Variants in CDH20 observed in about 807,000 individuals in gnomAD.
CDH20 encodes the protein cadherin-20.
In CDH20, 29 loss-of-function variants were observed where a neutral mutation model predicts 74.2. The observed-to-expected ratio is 0.39, with a 90% CI of 0.29 to 0.53. CDH20 has a LOEUF of 0.53. CDH20 is among the 20% of genes least tolerant of loss of function. CDH20 has a pLI of 0.69. For synonymous variants in CDH20, 469 were observed against 405.4 expected, an observed-to-expected ratio of 1.16 and a Z score of -1.88; for missense variants, 988 against 1,048.3, an observed-to-expected ratio of 0.94 and a Z score of 0.79.
intron 5 of CDH20, among the ~76,000 whole-genome samples, chr18:61,503,798 C>T (rs183183306): frequency 8.5e-5 from 13 of 152,326 alleles, no homozygotes; most frequent in African/African-American, 3.1e-4. Flanking sequence ...TTCACACAAA[C>T]TGAGATGAAT....
At chr18:61,527,928 C>A (rs922670958) in intron 6 of CDH20, 39 bp from the exon 7 acceptor site, 2 of 1,608,506 alleles carry the variant, frequency 1.2e-6, no homozygotes, top group Non-Finnish European at 1.7e-6. Flanking sequence ...GAATCTTGAA[C>A]CTCAGTGGCG....
intron 1 of CDH20, among the ~76,000 whole-genome samples, chr18:61,485,828 C>A (rs1291919768): frequency 6.6e-6 from 1 of 152,162 alleles, no homozygotes; most frequent in Non-Finnish European, 1.5e-5. Flanking sequence ...AATCCCAGCA[C>A]TTTGGGAGGC....
chr18:61,431,122 G>GCAC lies in CDH20; in HGVS notation c.-152-59276_-152-59274dup, dbSNP rs545962526. 2.6e-3 allele frequency among the ~76,000 whole-genome samples: 398 copies of GCAC among 152,212 alleles called. 2 individuals are homozygous for GCAC. The highest frequency in any genetic ancestry group is 9.2e-3 in the African/African-American group (384 of 41,528). On this transcript the variant is annotated intron_variant, in intron 1 of 11. Coordinates refer to ENST00000262717, the MANE Select transcript of CDH20 (RefSeq NM_031891.4). The stretch of plus-strand genomic sequence containing the variant: ...CATACTTATATCTTGGACTCATCCA[G>GCAC]CACCACATAGTTCTTTCTAGCATCC...
At chr18:61,482,290 A>C (rs1910616436) in intron 1 of CDH20, among the ~76,000 whole-genome samples, 1 of 152,218 alleles carries the variant, frequency 6.6e-6, no homozygotes, top group Non-Finnish European at 1.5e-5. Flanking sequence ...CAAATTTATC[A>C]CGTTGGCTCT....
chr18:61,340,507 G>C (rs1909913487), intron 1 of CDH20, among the ~76,000 whole-genome samples: 1 of 152,018 alleles, frequency 6.6e-6, no homozygotes, highest in Non-Finnish European at 1.5e-5. Flanking sequence ...ACCAAATTTT[G>C]ATTTCCGCTT....
intron 1 of CDH20, among the ~76,000 whole-genome samples, chr18:61,487,423 G>C (rs1910805741): frequency 6.6e-6 from 1 of 152,192 alleles, no homozygotes; most frequent in South Asian, 2.1e-4. Flanking sequence ...CTTCTAGAAA[G>C]TTAGGCAGGG....
intron 6 of CDH20, among the ~76,000 whole-genome samples, chr18:61,517,528 G>A (rs1379856903): frequency 6.6e-6 from 1 of 152,170 alleles, no homozygotes; most frequent in African/African-American, 2.4e-5. Flanking sequence ...ATGGGGGATT[G>A]TGCTGTAAGG....
chr18:61,500,739 A>G (rs1441579478), intron 4 of CDH20, among the ~76,000 whole-genome samples: 2 of 151,982 alleles, frequency 1.3e-5, no homozygotes, highest in African/African-American at 4.8e-5. Flanking sequence ...CCTCTGCGCA[A>G]ACACACACAA....
At position 61,528,160 on chromosome 18, in the gene CDH20, T is replaced by C. The variant is rs773676850; in HGVS notation, c.1211T>C (p.Ile404Thr). Residue 404 changes from isoleucine (I) to threonine (T), a missense_variant, in exon 7 of 12, where the codon ATT (isoleucine) becomes ACT (threonine). Ile to Thr is a moderately conservative substitution (Grantham distance 89). This residue lies in a region of CDH20 where 613 missense variants were observed against 755.2 expected (regional missense o/e 0.81). Coordinates refer to ENST00000262717, the MANE Select transcript of CDH20 (RefSeq NM_031891.4). Reference sequence around the variant, plus strand: ...GTGGAGGTGCCTGAGGATGTGGCGATTGGAACAACCATACAGATCATTTCT... The same window carrying C: ...GTGGAGGTGCCTGAGGATGTGGCGACTGGAACAACCATACAGATCATTTCT... The part of the protein sequence containing the change: ...YFVEVPEDVA[I>T]GTTIQIISAK... 4 of 1,614,130 alleles carry C rather than the reference T, an allele frequency of 2.5e-6. No individual in the cohort carries two copies. Among genetic ancestry groups the C allele is most frequent in the Admixed American group, 1.7e-5 (1 of 60,012 alleles).
intron 1 of CDH20, among the ~76,000 whole-genome samples, chr18:61,462,111 C>A (rs1259405851): frequency 6.6e-6 from 1 of 152,076 alleles, no homozygotes; most frequent in Admixed American, 6.6e-5. Context: ...GCCTCTGGTC[C>A]TTTTGTTACT....
At chr18:61,491,372 G>C (rs552325415) in intron 2 of CDH20, among the ~76,000 whole-genome samples, 2 of 152,160 alleles carry the variant, frequency 1.3e-5, no homozygotes, top group East Asian at 3.9e-4. Flanking sequence ...GATTTTTCCT[G>C]TGTTTACTTT....
At chr18:61,482,333 C>T (rs1910617869) in intron 1 of CDH20, among the ~76,000 whole-genome samples, 2 of 152,216 alleles carry the variant, frequency 1.3e-5, no homozygotes, top group Non-Finnish European at 2.9e-5. Context: ...CCTGCCCTAA[C>T]CCAGGCACAG....
chr18:61,513,634 G>C (rs1486088553), intron 6 of CDH20, among the ~76,000 whole-genome samples: 1 of 152,078 alleles, frequency 6.6e-6, no homozygotes, highest in African/African-American at 2.4e-5. Context: ...GCAGCGGCTG[G>C]TACTGGTTGT....
intron 1 of CDH20, among the ~76,000 whole-genome samples, chr18:61,401,443 G>T (rs1168160878): frequency 6.6e-6 from 1 of 152,210 alleles, no homozygotes; most frequent in African/African-American, 2.4e-5. Context: ...AGGTGTGTGT[G>T]TGTGTGTGTT....
At chr18:61,512,402 T>G (rs1040890611) in intron 6 of CDH20, among the ~76,000 whole-genome samples, 1 of 152,200 alleles carries the variant, frequency 6.6e-6, no homozygotes, top group Non-Finnish European at 1.5e-5. Flanking sequence ...AGAATAAAAA[T>G]TCTATATTTC....
intron 10 of CDH20, 44 bp from the exon 11 acceptor site, chr18:61,549,934 A>G: frequency 6.3e-7 from 1 of 1,588,406 alleles, no homozygotes; most frequent in South Asian, 1.1e-5. Context: ...CAAGAAATTA[A>G]TTCACCTTCC....
intron 10 of CDH20, among the ~76,000 whole-genome samples, chr18:61,549,036 T>G (rs922816149): frequency 3.9e-5 from 6 of 152,216 alleles, no homozygotes; most frequent in African/African-American, 1.4e-4. Context: ...TTGGTGGTAT[T>G]AGCTTTGAGA....
At chr18:61,364,380 T>C (rs1343733721) in intron 1 of CDH20, among the ~76,000 whole-genome samples, 1 of 152,188 alleles carries the variant, frequency 6.6e-6, no homozygotes, top group Non-Finnish European at 1.5e-5. Context: ...TGGCGTGATC[T>C]TGGCTCACCA....
At chr18:61,405,527 C>T (rs933503437) in intron 1 of CDH20, among the ~76,000 whole-genome samples, 2 of 152,172 alleles carry the variant, frequency 1.3e-5, no homozygotes, top group African/African-American at 4.8e-5. Flanking sequence ...TTCGAGACTG[C>T]AGTGAGTTAT....
Sources: gnomAD v4.1 joint callset for allele counts (sites outside exome capture counted in the v4.1 genomes callset) on GRCh38, gnomAD v4.1.1 for gene constraint, gnomAD v4.1.1 regional missense constraint, MANE v1.5 for transcripts, NCBI Gene and HGNC (gene_info 2026-07-23, HGNC 2026-07-21) for gene names.